TGFB1I1: variants seen among roughly 807,000 people sequenced by gnomAD.
TGFB1I1 encodes the protein transforming growth factor beta 1 induced transcript 1, also known as transforming growth factor beta-1-induced transcript 1 protein.
Under a neutral mutation model 52.0 loss-of-function variants are expected in TGFB1I1, and 33 were observed. That is an observed-to-expected ratio of 0.63 (90% CI 0.48 to 0.85). The LOEUF is 0.85. Among genes scored for constraint, TGFB1I1 ranks in the 40% least tolerant of loss-of-function variants. TGFB1I1 has a pLI of 0.00. For missense variants in TGFB1I1, 577 were observed against 614.9 expected (o/e 0.94, Z 0.65); for synonymous variants, 236 against 253.3 (o/e 0.93, Z 0.65).
Position 31,476,053 on chromosome 16 carries a change from C to T in TGFB1I1, c.756C>T (p.Phe252=), listed in dbSNP as rs1369175639. 1 of 1,613,706 alleles carries T rather than the reference C, an allele frequency of 6.2e-7. No homozygotes were observed. Among genetic ancestry groups the T allele is most frequent in the South Asian group, 1.1e-5 (1 of 91,090 alleles). The part of the protein sequence containing the change: ...ALGRAWHPEH[F]VCGGCSTALG... Reference sequence around the variant, plus strand: ...GCCGCGCCTGGCACCCCGAGCACTTCGTTTGCGGAGGCTGTTCCACCGCCC... The same window carrying T: ...GCCGCGCCTGGCACCCCGAGCACTTTGTTTGCGGAGGCTGTTCCACCGCCC... Residue 252 remains phenylalanine (F), a synonymous_variant, in exon 8 of 11, where the codon TTC becomes TTT. Coordinates refer to ENST00000394863, the MANE Select transcript of TGFB1I1 (RefSeq NM_001042454.3). This position sits in a 1 kb window ranked among gnomAD's most constrained non-coding sequence, Gnocchi z 7.6.
At position 31,473,736 on chromosome 16, in the gene TGFB1I1, T is replaced by C; in HGVS notation, c.182+2T>C. The C allele has an allele frequency of 1.3e-6, 2 of 1,570,492 alleles. No homozygotes were observed. The highest frequency in any genetic ancestry group is 1.7e-6 in the Non-Finnish European group (2 of 1,158,564). ...GGGGGACAAGGACCACCTGTACAGG[T>C]GAGGGGCCTGGAAACCAGGGCATGG... On this transcript the variant is annotated splice_donor_variant, in intron 3 of 10. Coordinates refer to ENST00000394863, the MANE Select transcript of TGFB1I1 (RefSeq NM_001042454.3). LOFTEE classifies it high-confidence loss of function.
chr16:31,477,209 G>A lies in TGFB1I1; in HGVS notation c.1120-101G>A, dbSNP rs983961785. The stretch of plus-strand genomic sequence containing the variant: ...CACCGGACGGGATTCTTCGCGTCTA[G>A]GGCGGGCTGCGGGGTCCCAGGGCGT... On this transcript the variant is annotated intron_variant, in intron 10 of 10. Transcript: ENST00000394863. The surrounding 1 kb of genome is among the most constrained non-coding windows in gnomAD (Gnocchi z 4.7). 2.6e-4 allele frequency: 389 copies of A among 1,494,902 alleles called. No homozygotes were observed. The highest frequency in any genetic ancestry group is 3.3e-4 in the Non-Finnish European group (368 of 1,114,692). The allele number at this position is 1,494,902 out of a possible 1,614,324, so 92.6% of individuals were successfully genotyped here. A position where few individuals can be genotyped will look rare whatever the true frequency, so the allele number is the denominator to read the frequency against.
Position 31,476,652 on chromosome 16 carries a change from A to G in TGFB1I1, c.970+90A>G. On this transcript the variant is annotated intron_variant, in intron 9 of 10. Coordinates refer to ENST00000394863, the MANE Select transcript of TGFB1I1 (RefSeq NM_001042454.3). The surrounding 1 kb of genome is among the most constrained non-coding windows in gnomAD (Gnocchi z 7.6). ...TCCGACCTCCGGAGTCCTCAGGGCC[A>G]TGGTTTTCCTTCTGCTCTCTTCTGG... is the stretch of plus-strand genomic sequence containing the variant. The G allele has an allele frequency of 1.4e-6, 2 of 1,479,168 alleles. No individual in the cohort carries two copies. Among genetic ancestry groups the G allele is most frequent in the Non-Finnish European group, 1.8e-6 (2 of 1,081,796 alleles). The allele number at this position is 1,479,168 out of a possible 1,614,324, so 91.6% of individuals were successfully genotyped here.
chr16:31,473,527 C>T lies in TGFB1I1; in HGVS notation c.100C>T (p.Pro34Ser), dbSNP rs761049909. Reference protein sequence around the residue: ...PKERPAEPLTPPPSYGHQPQT... With the variant: ...PKERPAEPLTSPPSYGHQPQT... ...AGAGCGCCCTGCGGAGCCTCTCACC[C>T]CTCCCCCATCCTATGGCCACCAGCC... Residue 34 changes from proline (P) to serine (S), a missense_variant, in exon 2 of 11, where the codon CCT becomes TCT. By Grantham distance (74) the Pro-to-Ser change is moderately conservative. Transcript: ENST00000394863. 6.8e-6 allele frequency: 11 copies of T among 1,613,878 alleles called. No homozygotes were observed. The highest frequency in any genetic ancestry group is 1.1e-5 in the South Asian group (1 of 91,088).
rs764409775 is a variant in TGFB1I1 at position 31,473,465 on chromosome 16, C to T, written c.38C>T (p.Thr13Ile). The T allele has an allele frequency of 6.2e-7, 1 of 1,613,756 alleles. No individual in the cohort carries two copies. The highest frequency in any genetic ancestry group is 1.7e-5 in the Admixed American group (1 of 60,002). The change falls in exon 2 of 11, where the codon ACT (threonine) becomes ATT (isoleucine). Residue 13 changes from threonine (T) to isoleucine (I), a missense_variant. Thr to Ile is a moderately conservative substitution (Grantham distance 89). This residue lies in a region of TGFB1I1 where 113 missense variants were observed against 123.9 expected (regional missense o/e 0.91). Transcript: ENST00000394863. Reference protein sequence around the residue: ...DLDALLSDLETTTSHMPRSGA... With the variant: ...DLDALLSDLEITTSHMPRSGA... ...GATGCCCTGCTCTCTGACCTGGAGA[C>T]TACCACCTCGCACATGCCAAGGTCA...
At chr16:31,472,263 C>T in intron 1 of TGFB1I1, 62 bp downstream of exon 1, 1 of 1,423,358 alleles carries the variant, frequency 7.0e-7, no homozygotes, top group Admixed American at 2.6e-5. Flanking sequence ...TGCCTCCCCG[C>T]CGTCGCTCTC....
chr16:31,477,063 T>TG lies in TGFB1I1; in HGVS notation c.1119+57dup. The TG allele has an allele frequency of 2.2e-6, 1 of 458,476 alleles. No homozygotes were observed. Among genetic ancestry groups the TG allele is most frequent in the Non-Finnish European group, 3.1e-6 (1 of 318,538 alleles). 28.4% of individuals were successfully genotyped at this position (458,476 alleles called of 1,614,324 possible). On this transcript the variant is annotated intron_variant, in intron 10 of 10. Transcript: ENST00000394863. This position sits in a 1 kb window ranked among gnomAD's most constrained non-coding sequence, Gnocchi z 4.7. ...GGGGCGGGTCAAGGGTACAGGGCTG[T>TG]GGGGCGGGGCCTTGGAGGGGCGGGT...
intron 7 of TGFB1I1, 147 bp from the exon 8 acceptor site, chr16:31,475,865 T>C: frequency 1.2e-6 from 1 of 845,886 alleles, no homozygotes; most frequent in Non-Finnish European, 1.8e-6. Context: ...GAGCTAGATC[T>C]CCATCGCTTA....
In TGFB1I1 at chr16:31,477,126, G is replaced by A. The variant is rs2082430627; in HGVS notation, c.1119+116G>A. On this transcript the variant is annotated intron_variant, in intron 10 of 10. Coordinates refer to ENST00000394863, the MANE Select transcript of TGFB1I1 (RefSeq NM_001042454.3). The surrounding 1 kb of genome is among the most constrained non-coding windows in gnomAD (Gnocchi z 4.7). ...GCAGGGGGCGGGCCCTCGGGGGGGC[G>A]GGTCACGGGAGGTGCTGCTAGGAAC... is the stretch of plus-strand genomic sequence containing the variant. 1 of 1,374,460 alleles carries A rather than the reference G, an allele frequency of 7.3e-7. No homozygotes were observed. The highest frequency in any genetic ancestry group is 9.7e-7 in the Non-Finnish European group (1 of 1,033,696). The allele number at this position is 1,374,460 out of a possible 1,614,324, so 85.1% of individuals were successfully genotyped here.
chr16:31,472,487 G>A, intron 1 of TGFB1I1: 2 of 397,304 alleles, frequency 5.0e-6, no homozygotes, highest in Admixed American at 9.5e-5. Context: ...GGGGCTCTGG[G>A]GAGGGAGGGG....
Position 31,476,455 on chromosome 16 carries a change from G to C in TGFB1I1, c.889-26G>C, listed in dbSNP as rs768219983. ...GAAGGCGCGAAGGCACGGAGGCCGC[G>C]CTGAGTGCCCTCTCCCTCCCTGCAG... On this transcript the variant is annotated intron_variant, in intron 8 of 10. Coordinates refer to ENST00000394863, the MANE Select transcript of TGFB1I1 (RefSeq NM_001042454.3). The surrounding 1 kb of genome is among the most constrained non-coding windows in gnomAD (Gnocchi z 7.6). The C allele has an allele frequency of 6.2e-7, 1 of 1,603,090 alleles. No individual in the cohort carries two copies. The highest frequency in any genetic ancestry group is 2.2e-5 in the East Asian group (1 of 44,528).
In TGFB1I1 at chr16:31,476,599, G is replaced by C. The variant is rs1250417495; in HGVS notation, c.970+37G>C. ...CTCGACTCCCATCTTAAAAGCTGCGGGTCCCCTCGACGTCTCGCCCCAGCC... is the reference window on the plus strand; with the variant it reads ...CTCGACTCCCATCTTAAAAGCTGCGCGTCCCCTCGACGTCTCGCCCCAGCC... On this transcript the variant is annotated intron_variant, in intron 9 of 10. Transcript: ENST00000394863. The surrounding 1 kb of genome is among the most constrained non-coding windows in gnomAD (Gnocchi z 7.6). 6.3e-7 allele frequency: 1 copy of C among 1,593,876 alleles called. No homozygotes were observed. Among genetic ancestry groups the C allele is most frequent in the Admixed American group, 1.8e-5 (1 of 56,578 alleles).
Position 31,476,357 on chromosome 16 carries a change from G to T in TGFB1I1, c.889-124G>T. Reference sequence around the variant, plus strand: ...TCCACTCTTCCTTTCTGACCCCCACGTTCCTAGTTAGATCTTCTCCCCCTC... The same window carrying T: ...TCCACTCTTCCTTTCTGACCCCCACTTTCCTAGTTAGATCTTCTCCCCCTC... On this transcript the variant is annotated intron_variant, in intron 8 of 10. Coordinates refer to ENST00000394863, the MANE Select transcript of TGFB1I1 (RefSeq NM_001042454.3). This position sits in a 1 kb window ranked among gnomAD's most constrained non-coding sequence, Gnocchi z 7.6. 1 of 1,184,360 alleles carries T rather than the reference G, an allele frequency of 8.4e-7. No homozygotes were observed. Among genetic ancestry groups the T allele is most frequent in the South Asian group, 1.5e-5 (1 of 68,110 alleles). 73.4% of individuals were successfully genotyped at this position (1,184,360 alleles called of 1,614,324 possible). A position where few individuals can be genotyped will look rare whatever the true frequency, so the allele number is the denominator to read the frequency against.
At chr16:31,473,369 T>C in intron 1 of TGFB1I1, 72 bp from the exon 2 acceptor site, 1 of 1,528,146 alleles carries the variant, frequency 6.5e-7, no homozygotes, top group South Asian at 1.2e-5. Context: ...TCTCCAGTAC[T>C]GCCCACTGGG....
chr16:31,475,079 GCT>G, intron 7 of TGFB1I1: 2 of 334,814 alleles, frequency 6.0e-6, no homozygotes, highest in South Asian at 5.8e-5. Context: ...ATCTACAAAG[GCT>G]CTCTCTTCCT....
chr16:31,477,783 G>T lies in TGFB1I1; in HGVS notation c.*207G>T. 1.5e-6 allele frequency: 1 copy of T among 657,892 alleles called. No homozygotes were observed. Among genetic ancestry groups the T allele is most frequent in the Non-Finnish European group, 2.5e-6 (1 of 401,362 alleles). 40.8% of individuals were successfully genotyped at this position (657,892 alleles called of 1,614,324 possible). On this transcript the variant is annotated 3_prime_UTR_variant, in exon 11 of 11. Coordinates refer to ENST00000394863, the MANE Select transcript of TGFB1I1 (RefSeq NM_001042454.3). The surrounding 1 kb of genome is among the most constrained non-coding windows in gnomAD (Gnocchi z 4.7). ...ACGCCCACAAAGTGGATTGCACACA[G>T]ACAAGAACTCCCGTGCGGGCCTCCA...
Position 31,474,012 on chromosome 16 carries a change from A to C in TGFB1I1, c.325+35A>C. On this transcript the variant is annotated intron_variant, in intron 4 of 10. Coordinates refer to ENST00000394863, the MANE Select transcript of TGFB1I1 (RefSeq NM_001042454.3). The surrounding 1 kb of genome is among the most constrained non-coding windows in gnomAD (Gnocchi z 4.2). ...TGACTGAGAGAGGCCTTGATGCGAT[A>C]GGGGCAGGGGAGGGAAGGGTGGGGC... The C allele has an allele frequency of 8.9e-5, 98 of 1,096,502 alleles. No individual in the cohort carries two copies. The highest frequency in any genetic ancestry group is 1.2e-4 in the Non-Finnish European group (90 of 756,348). 67.9% of individuals were successfully genotyped at this position (1,096,502 alleles called of 1,614,324 possible). A position where few individuals can be genotyped will look rare whatever the true frequency, so the allele number is the denominator to read the frequency against.
Position 31,474,132 on chromosome 16 carries a change from TC to T in TGFB1I1, c.326-18del. The T allele has an allele frequency of 6.2e-7, 1 of 1,613,452 alleles. No homozygotes were observed. The highest frequency in any genetic ancestry group is 8.5e-7 in the Non-Finnish European group (1 of 1,179,646). ...GTTGAGCATGGCCCTATATGTAGCG[TC>T]CTCCTCTCCTCTCTCCAGATGAAAT... On this transcript the variant is annotated intron_variant, in intron 4 of 10. Transcript: ENST00000394863. The surrounding 1 kb of genome is among the most constrained non-coding windows in gnomAD (Gnocchi z 4.2).
In TGFB1I1 at chr16:31,476,451, C is replaced by T. The variant is rs1473296104; in HGVS notation, c.889-30C>T. ...AGAGGAAGGCGCGAAGGCACGGAGG[C>T]CGCGCTGAGTGCCCTCTCCCTCCCT... On this transcript the variant is annotated intron_variant, in intron 8 of 10. Coordinates refer to ENST00000394863, the MANE Select transcript of TGFB1I1 (RefSeq NM_001042454.3). This position sits in a 1 kb window ranked among gnomAD's most constrained non-coding sequence, Gnocchi z 7.6. 1.9e-6 allele frequency: 3 copies of T among 1,597,606 alleles called. No individual in the cohort carries two copies. In the African/African-American group the frequency reaches 4.0e-5, roughly 21 times the overall value.
Sources: allele counts gnomAD v4.1 joint callset, GRCh38; gene constraint gnomAD v4.1.1; regional missense constraint gnomAD v4.1.1; non-coding constraint Gnocchi (gnomAD v3.1); transcripts MANE v1.5; gene names NCBI Gene and HGNC (gene_info 2026-07-23, HGNC 2026-07-21).